BMERB1: variants seen among roughly 807,000 people sequenced by gnomAD.
The protein encoded by BMERB1 is bMERB domain-containing protein 1.
BMERB1 carries 12 observed loss-of-function variants against 23.6 expected under a neutral mutation model. That is an observed-to-expected ratio of 0.51 (90% CI 0.33 to 0.82). The LOEUF (loss-of-function observed/expected upper bound fraction) is 0.82. Among genes scored for constraint, BMERB1 ranks in the 40% least tolerant of loss-of-function variants. BMERB1 has a pLI of 0.03. For synonymous variants in BMERB1, 122 were observed against 96.6 expected, an observed-to-expected ratio of 1.26 and a Z score of -1.54; for missense variants, 247 against 255.4, an observed-to-expected ratio of 0.97 and a Z score of 0.22.
intron 1 of BMERB1, among the ~76,000 whole-genome samples, chr16:15,443,763 C>CA (rs2050961509): frequency 6.6e-6 from 1 of 151,956 alleles, no homozygotes; most frequent in Admixed American, 6.6e-5. Context: ...ACTAAAAATA[C>CA]AAAAAATTAG....
rs533237514 is a variant in BMERB1 at position 15,496,313 on chromosome 16, C to A, written c.107-18992C>A. Reference sequence around the variant, plus strand: ...TTGTGATAACTGACATTCACCAAGTCCTCACTGTCCTTATGATGTACCAGG... The same window carrying A: ...TTGTGATAACTGACATTCACCAAGTACTCACTGTCCTTATGATGTACCAGG... On this transcript the variant is annotated intron_variant, in intron 1 of 5. Transcript: ENST00000300006. Among the ~76,000 whole-genome samples the A allele has an allele frequency of 2.6e-3, 401 of 152,106 alleles. 2 individuals carry two copies. The highest frequency in any genetic ancestry group is 8.9e-3 in the African/African-American group (369 of 41,474).
chr16:15,440,148 G>A lies in BMERB1; in HGVS notation c.106+5389G>A, dbSNP rs545685397. 1.8e-4 allele frequency among the ~76,000 whole-genome samples: 27 copies of A among 151,356 alleles called. 1 individual carries two copies. The highest frequency in any genetic ancestry group is 6.1e-4 in the African/African-American group (25 of 41,172). On this transcript the variant is annotated intron_variant, in intron 1 of 5. Coordinates refer to ENST00000300006, the MANE Select transcript of BMERB1 (RefSeq NM_033201.3). ...TAGTCCCAGCTACTAGGGAGGCTGAGGTGAGAGAATTGCTTGTACTCAGGA... is the reference window on the plus strand; with the variant it reads ...TAGTCCCAGCTACTAGGGAGGCTGAAGTGAGAGAATTGCTTGTACTCAGGA...
At chr16:15,484,228 T>C (rs956731532) in intron 1 of BMERB1, among the ~76,000 whole-genome samples, 2 of 152,176 alleles carry the variant, frequency 1.3e-5, no homozygotes, top group Admixed American at 1.3e-4. Flanking sequence ...AATTTTAACA[T>C]GAGATTTGGA....
chr16:15,444,134 T>C (rs983369300), intron 1 of BMERB1, among the ~76,000 whole-genome samples: 1 of 117,916 alleles, frequency 8.5e-6, no homozygotes, highest in Non-Finnish European at 1.8e-5. Flanking sequence ...TTTTTTTTTT[T>C]TTTTTTTTTT....
intron 1 of BMERB1, among the ~76,000 whole-genome samples, chr16:15,511,785 G>A (rs1294636875): frequency 1.3e-5 from 2 of 152,112 alleles, no homozygotes. Flanking sequence ...GCCAAGGCTG[G>A]CAGATTACCT....
intron 4 of BMERB1, among the ~76,000 whole-genome samples, chr16:15,582,246 G>A (rs1339738623): frequency 6.6e-6 from 1 of 152,054 alleles, no homozygotes. Flanking sequence ...TAAAACTACA[G>A]AAATTAGCCG....
At chr16:15,584,482 G>T (rs1254271405) in intron 5 of BMERB1, among the ~76,000 whole-genome samples, 1 of 149,984 alleles carries the variant, frequency 6.7e-6, no homozygotes, top group Non-Finnish European at 1.5e-5. Flanking sequence ...GGCGTGAACT[G>T]GGGAGGCGGA....
intron 2 of BMERB1, among the ~76,000 whole-genome samples, chr16:15,539,214 A>G (rs929130045): frequency 6.6e-6 from 1 of 152,158 alleles, no homozygotes; most frequent in Non-Finnish European, 1.5e-5. Context: ...TTAGATTCCT[A>G]TAAGGAGCGT....
chr16:15,438,696 G>T (rs546082785), intron 1 of BMERB1, among the ~76,000 whole-genome samples: 57 of 152,324 alleles, frequency 3.7e-4, no homozygotes, highest in South Asian at 1.2e-3. Flanking sequence ...CTGGCCTCAA[G>T]TGATCTGCCC....
chr16:15,504,803 C>T (rs1337236091), intron 1 of BMERB1, among the ~76,000 whole-genome samples: 2 of 151,988 alleles, frequency 1.3e-5, no homozygotes, highest in East Asian at 3.9e-4. Context: ...TATTTAAAAA[C>T]CCAAACAAGA....
At chr16:15,511,016 G>T (rs748777323) in intron 1 of BMERB1, among the ~76,000 whole-genome samples, 7 of 151,680 alleles carry the variant, frequency 4.6e-5, no homozygotes, top group African/African-American at 7.3e-5. Flanking sequence ...TTAATATTTC[G>T]ATCCTATTCC....
chr16:15,458,350 A>G (rs2051104674), intron 1 of BMERB1, among the ~76,000 whole-genome samples: 1 of 152,206 alleles, frequency 6.6e-6, no homozygotes, highest in Admixed American at 6.5e-5. Flanking sequence ...AGTGTCTGAC[A>G]CATACAGATG....
chr16:15,486,824 A>G (rs1381733809), intron 1 of BMERB1, among the ~76,000 whole-genome samples: 1 of 152,086 alleles, frequency 6.6e-6, no homozygotes, highest in Non-Finnish European at 1.5e-5. Flanking sequence ...TTGCTGTGTG[A>G]TCTTAGGCAA....
chr16:15,506,801 C>T (rs774473019), intron 1 of BMERB1, among the ~76,000 whole-genome samples: 8 of 152,124 alleles, frequency 5.3e-5, no homozygotes, highest in Non-Finnish European at 1.0e-4. Context: ...ATTTGAGTCT[C>T]TTTCCATCTC....
chr16:15,517,867 G>A (rs1435195356), intron 2 of BMERB1, among the ~76,000 whole-genome samples: 1 of 148,572 alleles, frequency 6.7e-6, no homozygotes, highest in Non-Finnish European at 1.5e-5. Flanking sequence ...GTGTGTGGAT[G>A]TGTGTGGGTG....
chr16:15,442,136 G>A (rs2050944243), intron 1 of BMERB1, among the ~76,000 whole-genome samples: 1 of 152,080 alleles, frequency 6.6e-6, no homozygotes, highest in South Asian at 2.1e-4. Context: ...TTTGAGACCA[G>A]CCTGGGCAAC....
At chr16:15,523,408 C>G (rs1192436422) in intron 2 of BMERB1, among the ~76,000 whole-genome samples, 1 of 152,282 alleles carries the variant, frequency 6.6e-6, no homozygotes, top group South Asian at 2.1e-4. Flanking sequence ...CCTGTCCTCA[C>G]CTAGGACTGT....
At chr16:15,543,486 C>T (rs2052105244) in intron 2 of BMERB1, among the ~76,000 whole-genome samples, 1 of 152,082 alleles carries the variant, frequency 6.6e-6, no homozygotes, top group Admixed American at 6.5e-5. Context: ...GCTACTGCTG[C>T]TGCTGATACC....
At chr16:15,510,107 G>T (rs1293835003) in intron 1 of BMERB1, among the ~76,000 whole-genome samples, 7 of 152,158 alleles carry the variant, frequency 4.6e-5, no homozygotes, top group Admixed American at 1.3e-4. Flanking sequence ...TCCATCCCTA[G>T]AGCCTCTGGA....
Sources: gnomAD v4.1 joint callset for allele counts (sites outside exome capture counted in the v4.1 genomes callset) on GRCh38, gnomAD v4.1.1 for gene constraint, MANE v1.5 for transcripts, NCBI Gene and HGNC (gene_info 2026-07-23, HGNC 2026-07-21) for gene names.